Variants in SPON1 observed in about 807,000 individuals in gnomAD.
SPON1 encodes the protein spondin 1, also known as spondin-1.
A neutral mutation model predicts 111.7 loss-of-function variants in SPON1; 52 were observed. The ratio of observed to expected loss-of-function variants is 0.47; its 90% confidence interval spans 0.37 to 0.59. The LOEUF is 0.59. Among genes scored for constraint, SPON1 ranks in the 20% least tolerant of loss-of-function variants. The pLI is 0.00. For synonymous variants in SPON1, 410 were observed against 395.8 expected (o/e 1.04, Z -0.43); for missense variants, 957 against 1,068.5 (o/e 0.90, Z 1.46).
intron 2 of SPON1, among the ~76,000 whole-genome samples, chr11:14,024,273 G>A (rs1554915060): frequency 6.6e-6 from 1 of 152,174 alleles, no homozygotes; most frequent in African/African-American, 2.4e-5. Context: ...GGTGGCTTGT[G>A]TTAATCAGCT....
At chr11:14,073,808 A>C (rs782111241) in intron 3 of SPON1, among the ~76,000 whole-genome samples, 3 of 152,196 alleles carry the variant, frequency 2.0e-5, no homozygotes, top group Non-Finnish European at 2.9e-5. Context: ...AGTGTCCTGG[A>C]ACCTCCCTCA....
intron 5 of SPON1, among the ~76,000 whole-genome samples, chr11:14,126,785 C>A (rs1847465050): frequency 6.6e-6 from 1 of 152,164 alleles, no homozygotes. Context: ...ACCTCGTCTC[C>A]TTTTTCCCAG....
At chr11:14,029,568 C>A (rs1421167620) in intron 2 of SPON1, among the ~76,000 whole-genome samples, 1 of 152,086 alleles carries the variant, frequency 6.6e-6, no homozygotes, top group Non-Finnish European at 1.5e-5. Flanking sequence ...TCAGGTTTCC[C>A]GCCTCACACG....
At chr11:14,063,869 C>T (rs1461404389) in intron 3 of SPON1, among the ~76,000 whole-genome samples, 1 of 152,198 alleles carries the variant, frequency 6.6e-6, no homozygotes, top group Non-Finnish European at 1.5e-5. Context: ...GCCAAACTGC[C>T]TAGCTTGGTC....
intron 6 of SPON1, among the ~76,000 whole-genome samples, chr11:14,153,647 G>A (rs1554930114): frequency 2.0e-5 from 3 of 152,178 alleles, no homozygotes; most frequent in East Asian, 1.9e-4. Context: ...TGGCCCCTTC[G>A]AAATCTCATG....
chr11:14,118,717 G>A (rs1380702010), intron 5 of SPON1, among the ~76,000 whole-genome samples: 1 of 152,136 alleles, frequency 6.6e-6, no homozygotes, highest in African/African-American at 2.4e-5. Context: ...CCGGTGACAG[G>A]CATGAGTGAC....
intron 3 of SPON1, among the ~76,000 whole-genome samples, chr11:14,044,058 C>T (rs1261823062): frequency 6.6e-6 from 1 of 152,114 alleles, no homozygotes. Context: ...AAACGACTCC[C>T]ATTTTACAGA....
At position 14,246,067 on chromosome 11, in the gene SPON1, T is replaced by C. The variant is rs558533326; in HGVS notation, c.890+2671T>C. Among the ~76,000 whole-genome samples the C allele has an allele frequency of 3.9e-5, 6 of 152,342 alleles. No individual in the cohort carries two copies. The East Asian group carries it at 1.2e-3, about 29-fold the overall frequency. ...CTATGTGTGAAGAACCCCTCACTTC[T>C]GGTCCTCTAAGTGGGCAGGGGATGA... is the stretch of plus-strand genomic sequence containing the variant. On this transcript the variant is annotated intron_variant, in intron 7 of 15. Coordinates refer to ENST00000576479, the MANE Select transcript of SPON1 (RefSeq NM_006108.4).
chr11:14,141,028 C>CA (rs1554928717), intron 6 of SPON1, among the ~76,000 whole-genome samples: 1 of 127,590 alleles, frequency 7.8e-6, no homozygotes, highest in Non-Finnish European at 1.8e-5. Context: ...CGTGCCCCCC[C>CA]CATGCCCCAC....
chr11:14,185,792 C>G (rs1299089470), intron 6 of SPON1, among the ~76,000 whole-genome samples: 2 of 152,228 alleles, frequency 1.3e-5, no homozygotes, highest in Non-Finnish European at 2.9e-5. Context: ...AGATGAGCAG[C>G]GCCCCTTCTC....
At chr11:14,196,438 T>C (rs1848403047) in intron 6 of SPON1, among the ~76,000 whole-genome samples, 1 of 152,142 alleles carries the variant, frequency 6.6e-6, no homozygotes, top group Non-Finnish European at 1.5e-5. Context: ...TAAAAATTAT[T>C]GAGTTACTTT....
intron 2 of SPON1, among the ~76,000 whole-genome samples, chr11:13,990,871 C>A (rs554553978): frequency 1.3e-5 from 2 of 152,274 alleles, no homozygotes; most frequent in South Asian, 2.1e-4. Context: ...GTTGAAAATT[C>A]TTTTCTTTAA....
intron 6 of SPON1, among the ~76,000 whole-genome samples, chr11:14,161,208 T>TA (rs1847953524): frequency 2.0e-5 from 2 of 98,064 alleles, no homozygotes; most frequent in African/African-American, 4.1e-5. Flanking sequence ...TATTTATATA[T>TA]TTATATATAT....
At chr11:14,197,521 AAAC>A (rs1473646907) in intron 6 of SPON1, among the ~76,000 whole-genome samples, 3 of 148,340 alleles carry the variant, frequency 2.0e-5, no homozygotes, top group Admixed American at 6.8e-5. Context: ...ATAAATAAAT[AAAC>A]AAGTGGGGGC....
chr11:14,225,341 G>A (rs1166843677), intron 6 of SPON1, among the ~76,000 whole-genome samples: 1 of 151,836 alleles, frequency 6.6e-6, no homozygotes, highest in Non-Finnish European at 1.5e-5. Context: ...TTTTGTATAC[G>A]GAAAAATTTA....
chr11:14,125,153 A>G lies in SPON1; in HGVS notation c.677-10267A>G, dbSNP rs149925211. On this transcript the variant is annotated intron_variant, in intron 5 of 15. Transcript: ENST00000576479. ...ACAAGCTGTGTCCTGGGCAGCACCC[A>G]GGCGCAAACCCGCAGAAGGCATGTT... Among the ~76,000 whole-genome samples, 1,239 of 152,376 alleles carry G rather than the reference A, an allele frequency of 8.1e-3. 14 individuals are homozygous for G. The highest frequency in any genetic ancestry group is 0.013 in the Non-Finnish European group (874 of 68,044).
At chr11:14,182,633 G>T (rs187708608) in intron 6 of SPON1, among the ~76,000 whole-genome samples, 1 of 152,124 alleles carries the variant, frequency 6.6e-6, no homozygotes, top group African/African-American at 2.4e-5. Context: ...AGAGGCAAAT[G>T]GGAGCTAAAA....
rs573904328 is a variant in SPON1 at position 14,013,394 on chromosome 11, A to G, written c.346-28127A>G. ...AAAAAAATCTACTCTATTAGTAAAG[A>G]ATTATAGTCATTTTAGAGCCATTCT... is the stretch of plus-strand genomic sequence containing the variant. On this transcript the variant is annotated intron_variant, in intron 2 of 15. Transcript: ENST00000576479. Among the ~76,000 whole-genome samples the G allele has an allele frequency of 2.0e-5, 3 of 152,332 alleles. No individual in the cohort carries two copies. The South Asian group carries it at 6.2e-4, about 32-fold the overall frequency.
At chr11:14,033,487 A>C (rs1459639907) in intron 2 of SPON1, among the ~76,000 whole-genome samples, 2 of 152,078 alleles carry the variant, frequency 1.3e-5, no homozygotes, top group Non-Finnish European at 2.9e-5. Flanking sequence ...ATCAGAGTTG[A>C]GGAGGGGAGT....
Sources: gnomAD v4.1 joint callset for allele counts (sites outside exome capture counted in the v4.1 genomes callset) on GRCh38, gnomAD v4.1.1 for gene constraint, MANE v1.5 for transcripts, NCBI Gene and HGNC (gene_info 2026-07-23, HGNC 2026-07-21) for gene names.